Variants in HTR1D observed in about 807,000 individuals in gnomAD.
HTR1D encodes the protein 5-hydroxytryptamine receptor 1D.
In HTR1D, 18 loss-of-function variants were observed where a neutral mutation model predicts 21.1. The observed-to-expected ratio is 0.85, with a 90% CI of 0.59 to 1.27. The LOEUF (loss-of-function observed/expected upper bound fraction) is 1.27, where lower values mean the gene tolerates loss of function less well. Among genes scored for constraint, HTR1D ranks in the 50% most tolerant of loss-of-function variants. The pLI is 0.00. For missense variants in HTR1D, 456 were observed against 481.4 expected (o/e 0.95, Z 0.49); for synonymous variants, 196 against 204.4 (o/e 0.96, Z 0.35).
chr1:23,202,648 C>T (rs1321429167), intron 1 of HTR1D, among the ~76,000 whole-genome samples: 9 of 152,312 alleles, frequency 5.9e-5, no homozygotes, highest in African/African-American at 2.2e-4. Context: ...ACATCCCCCA[C>T]ACAGTAATTT....
intron 1 of HTR1D, among the ~76,000 whole-genome samples, chr1:23,197,456 C>A (rs1644693084): frequency 6.6e-6 from 1 of 152,168 alleles, no homozygotes. Flanking sequence ...ACAGGCCAGG[C>A]GTGGTGGCTC....
At chr1:23,216,325 A>G (rs1644773300) in intron 1 of HTR1D, among the ~76,000 whole-genome samples, 1 of 152,244 alleles carries the variant, frequency 6.6e-6, no homozygotes, top group Admixed American at 6.5e-5. Flanking sequence ...GTGCTGAGTG[A>G]CAATCCCATT....
chr1:23,201,188 T>C (rs552056787), intron 1 of HTR1D, among the ~76,000 whole-genome samples: 25 of 152,078 alleles, frequency 1.6e-4, no homozygotes, highest in Non-Finnish European at 3.1e-4. Context: ...GGATAGAAGA[T>C]GGGGGAAGAT....
intron 1 of HTR1D, among the ~76,000 whole-genome samples, chr1:23,214,511 G>A (rs967929956): frequency 6.6e-6 from 1 of 151,934 alleles, no homozygotes; most frequent in African/African-American, 2.4e-5. Flanking sequence ...AACTCCCATG[G>A]CTTACAAGGC....
At position 23,193,699 on chromosome 1, in the gene HTR1D, A is replaced by G; in HGVS notation, c.521T>C (p.Leu174Pro). 6.2e-7 allele frequency: 1 copy of G among 1,613,970 alleles called. No homozygotes were observed. The highest frequency in any genetic ancestry group is 8.5e-7 in the Non-Finnish European group (1 of 1,179,942). The change falls in exon 2 of 2, where the codon CTC becomes CCC. Residue 174 changes from leucine (L) to proline (P), a missense_variant. Leu to Pro is a moderately conservative substitution (Grantham distance 98, BLOSUM62 -3). Transcript: ENST00000374619. Reference sequence around the variant, plus strand: ...CTGGGCCTTGGCCTGCCGCCAGAAGAGCGGGGGGATGGAGATGCAGATGGA... The same window carrying G: ...CTGGGCCTTGGCCTGCCGCCAGAAGGGCGGGGGGATGGAGATGCAGATGGA... Reference protein sequence around the residue: ...AISICISIPPLFWRQAKAQEE... With the variant: ...AISICISIPPPFWRQAKAQEE...
intron 1 of HTR1D, among the ~76,000 whole-genome samples, chr1:23,204,785 C>T (rs1029066484): frequency 6.6e-6 from 1 of 152,166 alleles, no homozygotes; most frequent in Non-Finnish European, 1.5e-5. Context: ...GAGACAAGGA[C>T]GTGGAGCAGA....
chr1:23,199,862 T>C (rs1644703523), intron 1 of HTR1D, among the ~76,000 whole-genome samples: 1 of 152,120 alleles, frequency 6.6e-6, no homozygotes, highest in Admixed American at 6.6e-5. Context: ...CGTACCACCA[T>C]GCCTGGCTAA....
intron 1 of HTR1D, among the ~76,000 whole-genome samples, chr1:23,202,336 G>T (rs1454098188): frequency 6.6e-6 from 1 of 151,918 alleles, no homozygotes; most frequent in African/African-American, 2.4e-5. Context: ...CAAGGGATCT[G>T]CCCGTCTGAG....
chr1:23,211,979 A>G (rs1312631055), intron 1 of HTR1D, among the ~76,000 whole-genome samples: 1 of 151,782 alleles, frequency 6.6e-6, no homozygotes, highest in African/African-American at 2.4e-5. Context: ...CCTTTTCTAC[A>G]TTTCCTATTG....
chr1:23,212,422 A>C (rs1481150431), intron 1 of HTR1D, among the ~76,000 whole-genome samples: 1 of 152,118 alleles, frequency 6.6e-6, no homozygotes, highest in Non-Finnish European at 1.5e-5. Flanking sequence ...TTCACTCTCA[A>C]GACCAAGTTT....
At chr1:23,209,726 G>T (rs1644746176) in intron 1 of HTR1D, among the ~76,000 whole-genome samples, 1 of 152,096 alleles carries the variant, frequency 6.6e-6, no homozygotes, top group Admixed American at 6.6e-5. Context: ...GAAATGGCTT[G>T]CCTAAGACCC....
At chr1:23,207,270 GTGGTGGTACGTGCC>G (rs1445686491) in intron 1 of HTR1D, among the ~76,000 whole-genome samples, 3 of 152,086 alleles carry the variant, frequency 2.0e-5, no homozygotes, top group African/African-American at 7.2e-5. Context: ...GGTGTGGTGT[GTGGTGGTACGTGCC>G]TGTAGTCCCT....
chr1:23,208,210 C>T (rs1413240510), intron 1 of HTR1D, among the ~76,000 whole-genome samples: 1 of 152,190 alleles, frequency 6.6e-6, no homozygotes, highest in Non-Finnish European at 1.5e-5. Flanking sequence ...GGGCAGATTG[C>T]TTGAGCCCAG....
chr1:23,200,978 C>A (rs1249581583), intron 1 of HTR1D, among the ~76,000 whole-genome samples: 1 of 152,162 alleles, frequency 6.6e-6, no homozygotes, highest in East Asian at 1.9e-4. Context: ...TCCAGCCACA[C>A]CATGCCTCTC....
rs1432279168 is a variant in HTR1D at position 23,193,187 on chromosome 1, C to T, written c.1033G>A (p.Gly345Ser). 1 of 1,614,004 alleles carries T rather than the reference C, an allele frequency of 6.2e-7. No homozygotes were observed. The highest frequency in any genetic ancestry group is 1.7e-5 in the Admixed American group (1 of 59,988). Residue 345 changes from glycine (G) to serine (S), a missense_variant, in exon 2 of 2, where the codon GGC (glycine) becomes AGC (serine). Physicochemically the swap from Gly to Ser is moderately conservative, Grantham distance 56 (BLOSUM62 0). Coordinates refer to ENST00000374619, the MANE Select transcript of HTR1D (RefSeq NM_000864.5). ...GGATTGATGAGGGAGTTTAAATAGCCTAGCCAGGTGAAGAAGTCAAAGAGC... is the reference window on the plus strand; with the variant it reads ...GGATTGATGAGGGAGTTTAAATAGCTTAGCCAGGTGAAGAAGTCAAAGAGC... ...PALFDFFTWL[G>S]YLNSLINPII...
intron 1 of HTR1D, among the ~76,000 whole-genome samples, chr1:23,212,898 C>T (rs1409565133): frequency 1.3e-5 from 2 of 152,042 alleles, no homozygotes; most frequent in South Asian, 2.1e-4. Context: ...TCAATCTCCA[C>T]TCACTGCAAC....
At chr1:23,205,732 G>A (rs1644727607) in intron 1 of HTR1D, among the ~76,000 whole-genome samples, 1 of 152,120 alleles carries the variant, frequency 6.6e-6, no homozygotes, top group South Asian at 2.1e-4. Context: ...TAGTAGAGAT[G>A]GGGTTTCATC....
intron 1 of HTR1D, among the ~76,000 whole-genome samples, chr1:23,197,593 G>C (rs535983511): frequency 6.6e-6 from 1 of 151,928 alleles, no homozygotes; most frequent in Non-Finnish European, 1.5e-5. Flanking sequence ...AGCTGGGCAT[G>C]GTGGTGGGCA....
intron 1 of HTR1D, among the ~76,000 whole-genome samples, chr1:23,204,168 C>A (rs1361063030): frequency 6.6e-6 from 1 of 151,938 alleles, no homozygotes; most frequent in Non-Finnish European, 1.5e-5. Context: ...CTCTGTCACC[C>A]AGGCTGGAGT....
Sources: gnomAD v4.1 joint callset for allele counts (sites outside exome capture counted in the v4.1 genomes callset) on GRCh38, gnomAD v4.1.1 for gene constraint, MANE v1.5 for transcripts, NCBI Gene and HGNC (gene_info 2026-07-23, HGNC 2026-07-21) for gene names.